The following UGT2B7 variants were observed in gnomAD, a reference collection of about 807,000 sequenced individuals.
The protein encoded by UGT2B7 is UDP glucuronosyltransferase family 2 member B7.
A neutral mutation model predicts 51.9 loss-of-function variants in UGT2B7; 51 were observed. That is an observed-to-expected ratio of 0.98 (90% CI 0.78 to 1.24). The LOEUF (loss-of-function observed/expected upper bound fraction) is 1.24. Among genes scored for constraint, UGT2B7 ranks in the 50% most tolerant of loss-of-function variants. The probability of loss-of-function intolerance (pLI) is 0.00; values close to 1 mark genes in which losing one functional copy is unlikely to be tolerated. For synonymous variants in UGT2B7, 225 were observed against 211.6 expected, an observed-to-expected ratio of 1.06 and a Z score of -0.55; for missense variants, 727 against 628.4, an observed-to-expected ratio of 1.16 and a Z score of -1.68.
rs114113997 is a variant in UGT2B7 at position 69,108,363 on chromosome 4, T to C, written c.1310+41T>C. On this transcript the variant is annotated intron_variant, in intron 5 of 5. Coordinates refer to ENST00000305231, the MANE Select transcript of UGT2B7 (RefSeq NM_001074.4). ...TTTTTCACTAGGTGGTATTTACAGA[T>C]AGCTTCTCTTGTCAATAGTGAGTGT... The C allele has an allele frequency of 8.8e-4, 1,407 of 1,601,934 alleles. 15 individuals are homozygous for C. The African/African-American group carries it at 0.017, about 19-fold the overall frequency.
At chr4:69,063,250 C>T (rs933152185) in intron 1 of UGT2B7, among the ~76,000 whole-genome samples, 3 of 134,030 alleles carry the variant, frequency 2.2e-5, no homozygotes, top group South Asian at 2.5e-4. Flanking sequence ...ACCCGGAAGG[C>T]GGAGCTTGCA....
At chr4:69,090,216 G>A (rs536063673) in intron 2 of UGT2B7, among the ~76,000 whole-genome samples, 2 of 152,222 alleles carry the variant, frequency 1.3e-5, no homozygotes, top group East Asian at 3.9e-4. Flanking sequence ...TACTATTTAT[G>A]CACTATCCAG....
At chr4:69,058,745 C>T (rs1238808800) in intron 1 of UGT2B7, among the ~76,000 whole-genome samples, 1 of 152,068 alleles carries the variant, frequency 6.6e-6, no homozygotes, top group East Asian at 1.9e-4. Flanking sequence ...ACAAGTTGTA[C>T]ATTAACGGAG....
rs754723956 is a variant in UGT2B7, at chr4:69,064,112, A to AAGAAAGAAAGAAAGAAAGAAAGAG, written c.-159+12511_-159+12512insGAAAGAAAGAAAGAAAGAAAGAGA. Among the ~76,000 whole-genome samples the AAGAAAGAAAGAAAGAAAGAAAGAG allele has an allele frequency of 4.7e-4, 41 of 86,842 alleles. 1 individual carries two copies. The highest frequency in any genetic ancestry group is 2.4e-3 in the African/African-American group (40 of 16,480). 57.0% of individuals were successfully genotyped at this position (86,842 alleles called of 152,430 possible). On this transcript the variant is annotated intron_variant, in intron 1 of 5. Coordinates refer to the UGT2B7 transcript ENST00000502942. The stretch of plus-strand genomic sequence containing the variant: ...AGAAAGAAAGAGAAAGAAAGAAAGA[A>AAGAAAGAAAGAAAGAAAGAAAGAG]AAAGAAAGAAAGAAAGAAAGAAAGA...
In UGT2B7 at chr4:69,102,901, A is replaced by G. The variant is rs934802698; in HGVS notation, c.965A>G (p.Asn322Ser). 5 of 1,613,504 alleles carry G rather than the reference A, an allele frequency of 3.1e-6. No individual in the cohort carries two copies. The highest frequency in any genetic ancestry group is 4.2e-6 in the Non-Finnish European group (5 of 1,179,698). The change falls in exon 3 of 6, where the codon AAC (asparagine) becomes AGC (serine). Residue 322 changes from asparagine to serine, a missense_variant. By Grantham distance (46) the Asn-to-Ser change is conservative. Transcript: ENST00000305231. ...AGTAACATGACAGAAGAAAGGGCCAACGTAATTGCATCAGCCCTGGCCCAG... is the reference window on the plus strand; with the variant it reads ...AGTAACATGACAGAAGAAAGGGCCAGCGTAATTGCATCAGCCCTGGCCCAG... ...MVSNMTEERA[N>S]VIASALAQIP... is the part of the protein sequence containing the mutation.
intron 3 of UGT2B7, 24 bp downstream of exon 3, chr4:69,102,962 G>A (rs1318349067): frequency 1.2e-6 from 2 of 1,603,730 alleles, no homozygotes; most frequent in East Asian, 4.5e-5. Context: ...CCTTACTGGT[G>A]TGGAAAACTA....
intron 1 of UGT2B7, among the ~76,000 whole-genome samples, chr4:69,080,627 T>C (rs1468644920): frequency 1.3e-5 from 2 of 152,048 alleles, no homozygotes; most frequent in Admixed American, 6.6e-5. Context: ...AATGAGACGA[T>C]TAAAATTGAT....
Position 69,103,586 on chromosome 4 carries a change from G to T in UGT2B7, c.1002+648G>T, listed in dbSNP as rs143014993. Among the ~76,000 whole-genome samples, 544 of 152,236 alleles carry T rather than the reference G, an allele frequency of 3.6e-3. 1 individual carries two copies. Among genetic ancestry groups the T allele is most frequent in the African/African-American group, 0.012 (516 of 41,548 alleles). ...GTAGTCTTTAGAATGACTTTCAGGT[G>T]TTTTCACAAAAAACGTATATCCAGA... is the stretch of plus-strand genomic sequence containing the variant. On this transcript the variant is annotated intron_variant, in intron 3 of 5. Transcript: ENST00000305231.
chr4:69,108,106 A>G lies in UGT2B7; in HGVS notation c.1094A>G (p.His365Arg). 6.2e-7 allele frequency: 1 copy of G among 1,613,462 alleles called. No individual in the cohort carries two copies. The highest frequency in any genetic ancestry group is 8.5e-7 in the Non-Finnish European group (1 of 1,179,528). The change falls in exon 5 of 6, where the codon CAT becomes CGT. Residue 365 changes from histidine to arginine, a missense_variant. Physicochemically the swap from His to Arg is conservative, Grantham distance 29 (BLOSUM62 0). Coordinates refer to ENST00000305231, the MANE Select transcript of UGT2B7 (RefSeq NM_001074.4). ...GCTAAAATTCATCCAATCCTAGGTCATCCAAAGACCAGAGCTTTTATAACT... is the reference window on the plus strand; with the variant it reads ...GCTAAAATTCATCCAATCCTAGGTCGTCCAAAGACCAGAGCTTTTATAACT... The part of the protein sequence containing the change: ...KWIPQNDLLG[H>R]PKTRAFITHG...
intron 1 of UGT2B7, chr4:69,070,009 T>G (rs531985976): frequency 2.0e-4 from 31 of 152,174 alleles, no homozygotes; most frequent in African/African-American, 7.5e-4. Flanking sequence ...TGTGCCTTCT[T>G]GATTTGTTTG....
At chr4:69,055,851 A>T (rs529387809) in intron 1 of UGT2B7, among the ~76,000 whole-genome samples, 17 of 152,362 alleles carry the variant, frequency 1.1e-4, no homozygotes, top group African/African-American at 4.1e-4. Context: ...TCATCCTGTA[A>T]GGCAGCTTAG....
chr4:69,104,016 C>T (rs187308988), intron 3 of UGT2B7, among the ~76,000 whole-genome samples: 235 of 152,224 alleles, frequency 1.5e-3, no homozygotes, highest in Non-Finnish European at 2.9e-3. Flanking sequence ...AGGCCAGGCA[C>T]GGTAGCTCAC....
intron 1 of UGT2B7, among the ~76,000 whole-genome samples, chr4:69,077,039 T>C (rs1718722285): frequency 6.6e-6 from 1 of 152,236 alleles, no homozygotes; most frequent in Non-Finnish European, 1.5e-5. Context: ...AAATAGGGAA[T>C]GCTTTCCTCA....
chr4:69,101,341 TA>T (rs996196341), intron 2 of UGT2B7, among the ~76,000 whole-genome samples: 2 of 151,958 alleles, frequency 1.3e-5, no homozygotes, highest in Admixed American at 6.6e-5. Context: ...AAATTTTATT[TA>T]AAAAAATTTT....
intron 1 of UGT2B7, among the ~76,000 whole-genome samples, chr4:69,064,047 A>AGAAG (rs1718419363): frequency 9.6e-6 from 1 of 104,690 alleles, no homozygotes; most frequent in Non-Finnish European, 1.8e-5. Context: ...AAAGAAAGAA[A>AGAAG]GAAAGAAAGA....
At chr4:69,061,253 A>C (rs533290157) in intron 1 of UGT2B7, among the ~76,000 whole-genome samples, 1 of 152,322 alleles carries the variant, frequency 6.6e-6, no homozygotes, top group Non-Finnish European at 1.5e-5. Flanking sequence ...GCTATTTACA[A>C]AGAAAAAAGA....
chr4:69,081,247 A>T (rs1036108247), intron 1 of UGT2B7, among the ~76,000 whole-genome samples: 2 of 152,180 alleles, frequency 1.3e-5, no homozygotes, highest in Non-Finnish European at 2.9e-5. Context: ...CACTTTCAGC[A>T]TCAGATGTAG....
chr4:69,099,621 A>G (rs1244843653), intron 2 of UGT2B7, among the ~76,000 whole-genome samples: 4 of 152,000 alleles, frequency 2.6e-5, no homozygotes, highest in Admixed American at 2.6e-4. Context: ...CACATTTACA[A>G]AAATAGTGGC....
chr4:69,078,331 C>A (rs968939028), intron 1 of UGT2B7, among the ~76,000 whole-genome samples: 4 of 152,048 alleles, frequency 2.6e-5, no homozygotes, highest in African/African-American at 9.7e-5. Flanking sequence ...TTAGGGAGGA[C>A]TCCCTCTTTT....
Sources: allele counts gnomAD v4.1 joint callset (sites outside exome capture counted in the v4.1 genomes callset), GRCh38; gene constraint gnomAD v4.1.1; transcripts MANE v1.5; gene names NCBI Gene and HGNC (gene_info 2026-07-23, HGNC 2026-07-21).